Variants in ZC3H13 observed in about 807,000 individuals in gnomAD.
ZC3H13 encodes the protein zinc finger CCCH-type containing 13.
A neutral mutation model predicts 204.1 loss-of-function variants in ZC3H13; 64 were observed. That is an observed-to-expected ratio of 0.31 (90% CI 0.26 to 0.39). The LOEUF (loss-of-function observed/expected upper bound fraction) is 0.39, where lower values mean the gene tolerates loss of function less well. Among genes scored for constraint, ZC3H13 ranks in the 10% least tolerant of loss-of-function variants. The pLI, the probability that ZC3H13 is intolerant of heterozygous loss-of-function variation, is 1.00. For missense variants in ZC3H13, 1,833 were observed against 2,082.7 expected, an observed-to-expected ratio of 0.88 and a Z score of 2.33; for synonymous variants, 667 against 693.7, an observed-to-expected ratio of 0.96 and a Z score of 0.60.
rs144054764 is a variant in ZC3H13, at chr13:45,975,711, A to T, written c.2040T>A (p.Asp680Glu). The change falls in exon 12 of 19, where the codon GAT becomes GAA. Residue 680 changes from aspartate (D) to glutamate (E), a missense_variant. Coordinates refer to ENST00000679008, the MANE Select transcript of ZC3H13 (RefSeq NM_001330564.2). ...DRRDERARER[D>E]RERERDRERE... ...GCTCCCTGTCTCGTTCTCGTTCCCG[A>T]TCTCTCTCTCTAGCCCTTTCATCTC... The T allele has an allele frequency of 4.6e-4, 733 of 1,610,364 alleles. 5 individuals carry two copies. In the African/African-American group the frequency reaches 8.3e-3, roughly 18 times the overall value.
chr13:45,957,007 G>C lies in ZC3H13; in HGVS notation c.*120C>G, dbSNP rs989828739. On this transcript the variant is annotated 3_prime_UTR_variant, in exon 19 of 19. Transcript: ENST00000679008. ...AAGATCAAAATTCTTCACTCTTTTAGCATGGCTGATAAATCTTTTCTGCCT... is the reference window on the plus strand; with the variant it reads ...AAGATCAAAATTCTTCACTCTTTTACCATGGCTGATAAATCTTTTCTGCCT... 2 of 944,936 alleles carry C rather than the reference G, an allele frequency of 2.1e-6. No individual in the cohort carries two copies. Among genetic ancestry groups the C allele is most frequent in the African/African-American group, 3.4e-5 (2 of 58,962 alleles). 58.5% of individuals were successfully genotyped at this position (944,936 alleles called of 1,614,324 possible). A position where few individuals can be genotyped will look rare whatever the true frequency, so the allele number is the denominator to read the frequency against.
At chr13:46,021,080 T>C (rs988383094) in intron 4 of ZC3H13, among the ~76,000 whole-genome samples, 4 of 152,016 alleles carry the variant, frequency 2.6e-5, no homozygotes, top group Admixed American at 6.6e-5. Flanking sequence ...TTGTCATATA[T>C]TCAAGTAATT....
At chr13:45,998,367 C>T (rs561751784) in intron 8 of ZC3H13, among the ~76,000 whole-genome samples, 27 of 152,064 alleles carry the variant, frequency 1.8e-4, no homozygotes, top group African/African-American at 5.1e-4. Flanking sequence ...AAGTACAGGC[C>T]GGGCGCGGTG....
At chr13:45,997,979 T>C (rs1380442391) in intron 8 of ZC3H13, among the ~76,000 whole-genome samples, 1 of 152,228 alleles carries the variant, frequency 6.6e-6, no homozygotes, top group Non-Finnish European at 1.5e-5. Context: ...CAATACCAGC[T>C]TTAGAACAGG....
At chr13:45,959,796 T>C (rs1186466565) in intron 17 of ZC3H13, 150 bp from the exon 18 acceptor site, 2 of 822,558 alleles carry the variant, frequency 2.4e-6, no homozygotes, top group Non-Finnish European at 3.5e-6. Flanking sequence ...ATATTCTCTG[T>C]GAAGCACCTT....
At chr13:46,010,559 A>C in intron 6 of ZC3H13, 54 bp from the exon 7 acceptor site, 1 of 1,552,794 alleles carries the variant, frequency 6.4e-7, no homozygotes, top group Non-Finnish European at 8.8e-7. Context: ...ATGGTACAAC[A>C]AGACTTACAG....
In ZC3H13 at chr13:45,969,587, G is replaced by C. The variant is rs189817908; in HGVS notation, c.2957C>G (p.Ser986Cys). Reference protein sequence around the residue: ...GIERGNIETTSEDGQVFSPKK... With the variant: ...GIERGNIETTCEDGQVFSPKK... Reference sequence around the variant, plus strand: ...TGGTGAAAATACTTGACCATCTTCAGATGTTGTCTCTATGTTACCCCTCTC... The same window carrying C: ...TGGTGAAAATACTTGACCATCTTCACATGTTGTCTCTATGTTACCCCTCTC... Residue 986 changes from serine to cysteine, a missense_variant, in exon 14 of 19, where the codon TCT becomes TGT. Coordinates refer to ENST00000679008, the MANE Select transcript of ZC3H13 (RefSeq NM_001330564.2). The C allele has an allele frequency of 1.9e-5, 31 of 1,611,102 alleles. No homozygotes were observed. Among genetic ancestry groups the C allele is most frequent in the Non-Finnish European group, 2.3e-5 (27 of 1,179,388 alleles).
chr13:46,049,801 T>C (rs2044273121), intron 1 of ZC3H13, among the ~76,000 whole-genome samples: 1 of 152,182 alleles, frequency 6.6e-6, no homozygotes, highest in African/African-American at 2.4e-5. Flanking sequence ...CTTCAAAGTA[T>C]ATGAGAAAAA....
intron 8 of ZC3H13, 24 bp downstream of exon 8, chr13:46,003,115 T>C: frequency 6.3e-7 from 1 of 1,599,492 alleles, no homozygotes. Context: ...GTTAATATTG[T>C]TAAAAACATA....
chr13:45,985,683 T>C lies in ZC3H13; in HGVS notation c.1334A>G (p.Asp445Gly), dbSNP rs1290092783. Reference sequence around the variant, plus strand: ...TCGAGGTTCTCTGTCATCTCTGTGGTCTCTAGAAGAGCTCTGATCCTGTTC... The same window carrying C: ...TCGAGGTTCTCTGTCATCTCTGTGGCCTCTAGAAGAGCTCTGATCCTGTTC... ...EYEQDQSSSR[D>G]HRDDREPRDG... The change falls in exon 10 of 19, where the codon GAC becomes GGC. Residue 445 changes from aspartate (D) to glycine (G), a missense_variant. Asp to Gly is a moderately conservative substitution (Grantham distance 94). Transcript: ENST00000679008. The C allele has an allele frequency of 1.9e-6, 3 of 1,614,014 alleles. No homozygotes were observed. Among genetic ancestry groups the C allele is most frequent in the Non-Finnish European group, 2.5e-6 (3 of 1,180,042 alleles).
chr13:46,014,024 A>G (rs1298716366), intron 5 of ZC3H13, among the ~76,000 whole-genome samples: 1 of 152,182 alleles, frequency 6.6e-6, no homozygotes, highest in Non-Finnish European at 1.5e-5. Context: ...AATTGTTGGT[A>G]AAGGTACAAA....
chr13:46,009,091 G>C (rs967023210), intron 7 of ZC3H13, among the ~76,000 whole-genome samples: 1 of 152,050 alleles, frequency 6.6e-6, no homozygotes, highest in African/African-American at 2.4e-5. Context: ...GGAGGTATAA[G>C]CAAAATCTGA....
chr13:45,990,506 C>T (rs2039893826), intron 8 of ZC3H13, among the ~76,000 whole-genome samples: 1 of 152,130 alleles, frequency 6.6e-6, no homozygotes, highest in African/African-American at 2.4e-5. Context: ...ACTTAAACAT[C>T]AAGTTTTCTG....
rs373849542 is a variant in ZC3H13 at position 45,959,424 on chromosome 13, A to G, written c.4839+59T>C. 318 of 1,405,346 alleles carry G rather than the reference A, an allele frequency of 2.3e-4. 5 individuals carry two copies. In the South Asian group the frequency reaches 4.9e-3, roughly 22 times the overall value. The allele number at this position is 1,405,346 out of a possible 1,614,324, so 87.1% of individuals were successfully genotyped here. A position where few individuals can be genotyped will look rare whatever the true frequency, so the allele number is the denominator to read the frequency against. On this transcript the variant is annotated intron_variant, in intron 18 of 18. Transcript: ENST00000679008. ...TGCAATCTCAATTTAAAACAACCAA[A>G]TGAAAAATAGGCCATTCACACTATT...
Position 45,957,109 on chromosome 13 carries a change from C to T in ZC3H13, c.*18G>A, listed in dbSNP as rs1454056342. On this transcript the variant is annotated 3_prime_UTR_variant, in exon 19 of 19. Coordinates refer to ENST00000679008, the MANE Select transcript of ZC3H13 (RefSeq NM_001330564.2). Reference sequence around the variant, plus strand: ...CTGAAGGAAGACAGTACCAAAAATACCATATTGAACTTCGGTCTTAAGACA... The same window carrying T: ...CTGAAGGAAGACAGTACCAAAAATATCATATTGAACTTCGGTCTTAAGACA... The T allele has an allele frequency of 6.9e-7, 1 of 1,445,946 alleles. No individual in the cohort carries two copies. Among genetic ancestry groups the T allele is most frequent in the East Asian group, 2.7e-5 (1 of 37,732 alleles). The allele number at this position is 1,445,946 out of a possible 1,614,324, so 89.6% of individuals were successfully genotyped here.
intron 10 of ZC3H13, among the ~76,000 whole-genome samples, chr13:45,983,703 A>G (rs1953914809): frequency 6.6e-6 from 1 of 151,766 alleles, no homozygotes; most frequent in African/African-American, 2.4e-5. Flanking sequence ...CTGGGATTAC[A>G]GGCGTGAGCC....
intron 17 of ZC3H13, chr13:45,962,659 T>C (rs1593445470): frequency 1.0e-6 from 1 of 979,884 alleles, no homozygotes; most frequent in Non-Finnish European, 1.2e-6. Context: ...TTACTGCTTA[T>C]GCTAATAGAG....
chr13:46,024,176 CTTCA>C (rs2042391508), intron 4 of ZC3H13, among the ~76,000 whole-genome samples: 1 of 152,176 alleles, frequency 6.6e-6, no homozygotes, highest in South Asian at 2.1e-4. Flanking sequence ...CTGCCTGGCA[CTTCA>C]TAGTACACTT....
At chr13:45,963,521 C>T (rs1487206477) in intron 17 of ZC3H13, 3 of 1,068,906 alleles carry the variant, frequency 2.8e-6, no homozygotes, top group Non-Finnish European at 3.4e-6. Context: ...TCCTGGGCTC[C>T]AGCAATCCTG....
Sources: gnomAD v4.1 joint callset for allele counts (sites outside exome capture counted in the v4.1 genomes callset) on GRCh38, gnomAD v4.1.1 for gene constraint, MANE v1.5 for transcripts, NCBI Gene and HGNC (gene_info 2026-07-23, HGNC 2026-07-21) for gene names.